Variants in CLUL1 observed in about 807,000 individuals in gnomAD.
CLUL1 encodes the protein clusterin like 1.
In CLUL1, 43 loss-of-function variants were observed where a neutral mutation model predicts 49.4. The ratio of observed to expected loss-of-function variants is 0.87; its 90% CI spans 0.68 to 1.12. The LOEUF (loss-of-function observed/expected upper bound fraction) is 1.12. Among genes scored for constraint, CLUL1 ranks in the 50% most tolerant of loss-of-function variants. The pLI, the probability that CLUL1 is intolerant of heterozygous loss-of-function variation, is 0.00. For synonymous variants in CLUL1, 192 were observed against 184.9 expected (o/e 1.04, Z -0.31); for missense variants, 486 against 544.4 (o/e 0.89, Z 1.07).
At chr18:638,282 C>T (rs985530588) in intron 7 of CLUL1, among the ~76,000 whole-genome samples, 2 of 152,170 alleles carry the variant, frequency 1.3e-5, no homozygotes, top group Admixed American at 1.3e-4. Flanking sequence ...TCAAGCATCC[C>T]ATCTATGTAT....
intron 7 of CLUL1, among the ~76,000 whole-genome samples, chr18:634,466 A>C (rs189896888): frequency 6.6e-6 from 1 of 152,052 alleles, no homozygotes. Flanking sequence ...AAAGTATGTC[A>C]TTCTTTCACT....
Position 618,239 on chromosome 18 carries a change from C to A in CLUL1, c.106+133C>A. On this transcript the variant is annotated intron_variant, in intron 3 of 9. Coordinates refer to ENST00000692774, the MANE Select transcript of CLUL1 (RefSeq NM_001393344.1). The surrounding 1 kb of genome is among the most constrained non-coding windows in gnomAD (Gnocchi z 4.2). Reference sequence around the variant, plus strand: ...GTGAAACGTTCTCAAGGCGCTTAAACCAGGTCATCCTGACGCCAAACATCT... The same window carrying A: ...GTGAAACGTTCTCAAGGCGCTTAAAACAGGTCATCCTGACGCCAAACATCT... 1.5e-6 allele frequency: 1 copy of A among 645,734 alleles called. No homozygotes were observed. The highest frequency in any genetic ancestry group is 2.0e-5 in the South Asian group (1 of 49,760). 40.0% of individuals were successfully genotyped at this position (645,734 alleles called of 1,614,324 possible). A position where few individuals can be genotyped will look rare whatever the true frequency, so the allele number is the denominator to read the frequency against.
chr18:615,860 ACT>A (rs2073272446), intron 2 of CLUL1, among the ~76,000 whole-genome samples: 1 of 152,096 alleles, frequency 6.6e-6, no homozygotes, highest in Non-Finnish European at 1.5e-5. Flanking sequence ...AATGTGTGTC[ACT>A]CTCTGTGCCC....
chr18:639,232 C>T lies in CLUL1; in HGVS notation c.995-2095C>T, dbSNP rs889170220. Among the ~76,000 whole-genome samples, 8 of 151,006 alleles carry T rather than the reference C, an allele frequency of 5.3e-5. No individual in the cohort carries two copies. The East Asian group carries it at 7.8e-4, about 15-fold the overall frequency. On this transcript the variant is annotated intron_variant, in intron 7 of 9. Transcript: ENST00000692774. ...ACGAGGTCAGGAGTTCGAGACCAGC[C>T]TGACCAACATGGTGAAACCCCATCT...
rs187483460 is a variant in CLUL1, at chr18:632,620, A to G, written c.857-678A>G. On this transcript the variant is annotated intron_variant, in intron 6 of 9. Coordinates refer to ENST00000692774, the MANE Select transcript of CLUL1 (RefSeq NM_001393344.1). ...TTTTTAAAGTAATCAAATATATAAA[A>G]GAACAAAATAAATGAAAGCTGCCCT... Among the ~76,000 whole-genome samples the G allele has an allele frequency of 6.1e-3, 929 of 152,328 alleles. 15 individuals carry two copies. The highest frequency in any genetic ancestry group is 0.021 in the African/African-American group (885 of 41,576).
At position 606,423 on chromosome 18, in the gene CLUL1, G is replaced by A. The variant is rs113673810; in HGVS notation, c.-135-555G>A. The stretch of plus-strand genomic sequence containing the variant: ...ACCTCCCTCTTAGGACCAGCCCATC[G>A]TCCACAACGTGGAAGTCCAGCTTCC... On this transcript the variant is annotated intron_variant, in intron 1 of 9. Transcript: ENST00000692774. The surrounding 1 kb of genome is among the most constrained non-coding windows in gnomAD (Gnocchi z 4.1). Among the ~76,000 whole-genome samples, 49 of 152,312 alleles carry A rather than the reference G, an allele frequency of 3.2e-4. No individual in the cohort carries two copies. The highest frequency in any genetic ancestry group is 1.2e-3 in the African/African-American group (48 of 41,554).
At chr18:599,939 C>T (rs1044516617) in intron 1 of CLUL1, among the ~76,000 whole-genome samples, 2 of 136,778 alleles carry the variant, frequency 1.5e-5, no homozygotes, top group African/African-American at 5.5e-5. Context: ...CAGAGCCAGA[C>T]TTCATCTCAA....
At chr18:642,476 T>C (rs555145901) in intron 8 of CLUL1, among the ~76,000 whole-genome samples, 1 of 152,272 alleles carries the variant, frequency 6.6e-6, no homozygotes, top group East Asian at 1.9e-4. Flanking sequence ...AAATTCCACC[T>C]ATACCATGAC....
chr18:628,785 C>A (rs2073894176), intron 6 of CLUL1, among the ~76,000 whole-genome samples: 1 of 151,836 alleles, frequency 6.6e-6, no homozygotes, highest in Non-Finnish European at 1.5e-5. Context: ...GTGCCCGCCA[C>A]CACGCCTGGC....
In CLUL1 at chr18:650,040, G is replaced by A. The variant is rs2074633786; in HGVS notation, c.*139G>A. ...AGCTATATACTATGAAGTACTCTTA[G>A]TTTACTTATGTTGAATGGCTTAGCT... is the stretch of plus-strand genomic sequence containing the variant. On this transcript the variant is annotated 3_prime_UTR_variant, in exon 10 of 10. Transcript: ENST00000692774. 1 of 565,694 alleles carries A rather than the reference G, an allele frequency of 1.8e-6. No individual in the cohort carries two copies. Among genetic ancestry groups the A allele is most frequent in the Non-Finnish European group, 3.1e-6 (1 of 321,930 alleles). 35.0% of individuals were successfully genotyped at this position (565,694 alleles called of 1,614,324 possible).
intron 7 of CLUL1, among the ~76,000 whole-genome samples, chr18:639,519 A>G (rs536262867): frequency 6.6e-6 from 1 of 151,378 alleles, no homozygotes; most frequent in South Asian, 2.1e-4. Context: ...TAATCCCAGC[A>G]CTTTGGGAGG....
chr18:626,912 AAAGAAAGAAAG>A lies in CLUL1; in HGVS notation c.424-182_424-172del, dbSNP rs1211994850. Among the ~76,000 whole-genome samples, 28 of 24,476 alleles carry A rather than the reference AAAGAAAGAAAG, an allele frequency of 1.1e-3. 5 individuals are homozygous for A. The highest frequency in any genetic ancestry group is 1.5e-3 in the Non-Finnish European group (21 of 13,550). 16.1% of individuals were successfully genotyped at this position (24,476 alleles called of 152,430 possible). ...GAAAGAAAGAAAGAAAGAAAGAAAG[AAAGAAAGAAAG>A]AAAGAAGGAAAGAAGGAAAGAAGGA... is the stretch of plus-strand genomic sequence containing the variant. On this transcript the variant is annotated intron_variant, in intron 5 of 9. Transcript: ENST00000692774.
rs150891035 is a variant in CLUL1 at position 647,236 on chromosome 18, C to T, written c.1397+2139C>T. Among the ~76,000 whole-genome samples, 169 of 149,234 alleles carry T rather than the reference C, an allele frequency of 1.1e-3. 1 individual carries two copies. Among genetic ancestry groups the T allele is most frequent in the Middle Eastern group, 3.4e-3 (1 of 292 alleles). ...GTGCTGGGAAGTCCTGCTAAAAATA[C>T]GGCAAGAAAGAGTAGAGCATCTAGG... On this transcript the variant is annotated intron_variant, in intron 9 of 9. Transcript: ENST00000692774.
chr18:598,244 G>C (rs942249069), intron 1 of CLUL1: 2 of 282,338 alleles, frequency 7.1e-6, no homozygotes, highest in Non-Finnish European at 1.3e-5. Context: ...AACTACCATG[G>C]GAAATGAATG....
At chr18:607,125 TTTTA>T (rs771744778) in intron 2 of CLUL1, 26 bp downstream of exon 2, 16 of 700,572 alleles carry the variant, frequency 2.3e-5, no homozygotes, top group African/African-American at 7.0e-5. Context: ...CCCGTCTATC[TTTTA>T]TTTATTTATT....
At chr18:623,494 AATTAGCCCGGC>A (rs1358500721) in intron 4 of CLUL1, among the ~76,000 whole-genome samples, 1 of 151,984 alleles carries the variant, frequency 6.6e-6, no homozygotes, top group African/African-American at 2.4e-5. Flanking sequence ...AACATACAAA[AATTAGCCCGGC>A]ATGGTGGCAC....
intron 9 of CLUL1, among the ~76,000 whole-genome samples, chr18:647,891 C>G (rs565339776): frequency 2.6e-5 from 4 of 152,312 alleles, no homozygotes; most frequent in African/African-American, 9.6e-5. Context: ...ATCTCCATCC[C>G]GAGACCTACA....
chr18:637,384 TTCTC>T (rs1444079584), intron 7 of CLUL1, among the ~76,000 whole-genome samples: 1 of 152,032 alleles, frequency 6.6e-6, no homozygotes, highest in Non-Finnish European at 1.5e-5. Context: ...GGATTGTTCT[TTCTC>T]TCTCTCTTCC....
chr18:599,697 C>T (rs1225203280), intron 1 of CLUL1, among the ~76,000 whole-genome samples: 1 of 152,062 alleles, frequency 6.6e-6, no homozygotes, highest in African/African-American at 2.4e-5. Context: ...CTTTGGGAAG[C>T]TGAGGTGGGT....
Sources: gnomAD v4.1 joint callset for allele counts (sites outside exome capture counted in the v4.1 genomes callset) on GRCh38, gnomAD v4.1.1 for gene constraint, Gnocchi (gnomAD v3.1) non-coding constraint, MANE v1.5 for transcripts, NCBI Gene and HGNC (gene_info 2026-07-23, HGNC 2026-07-21) for gene names.